Variants in EHMT1 observed in about 807,000 individuals in gnomAD.
EHMT1 encodes euchromatic histone lysine methyltransferase 1.
A neutral mutation model predicts 147.2 loss-of-function variants in EHMT1; 15 were observed. That is an observed-to-expected ratio of 0.10 (90% CI 0.07 to 0.16). The LOEUF is 0.16. EHMT1 is among the 10% of genes least tolerant of loss of function. The pLI, the probability that EHMT1 is intolerant of heterozygous loss-of-function variation, is 1.00. For synonymous variants in EHMT1, 795 were observed against 709.6 expected, an observed-to-expected ratio of 1.12 and a Z score of -1.91; for missense variants, 1,587 against 1,772.4, an observed-to-expected ratio of 0.90 and a Z score of 1.88.
intron 1 of EHMT1, among the ~76,000 whole-genome samples, chr9:137,675,607 GTGCCGGC>G: frequency 6.8e-6 from 1 of 147,184 alleles, no homozygotes; most frequent in Non-Finnish European, 1.5e-5. Context: ...GGGACTACAG[GTGCCGGC>G]CACCACGCCC....
chr9:137,695,756 G>A (rs1014879371), intron 1 of EHMT1, among the ~76,000 whole-genome samples: 3 of 152,232 alleles, frequency 2.0e-5, no homozygotes, highest in Non-Finnish European at 4.4e-5. Flanking sequence ...GGTTGAGGCC[G>A]CCGTCTGTGT....
intron 1 of EHMT1, among the ~76,000 whole-genome samples, chr9:137,682,487 G>T (rs1942047461): frequency 6.6e-6 from 1 of 152,112 alleles, no homozygotes; most frequent in South Asian, 2.1e-4. Context: ...GCCAAGTTCA[G>T]GCTGCTGTAG....
chr9:137,713,080 TGG>T (rs2135425093), intron 2 of EHMT1, among the ~76,000 whole-genome samples: 1 of 152,206 alleles, frequency 6.6e-6, no homozygotes, highest in African/African-American at 2.4e-5. Context: ...GAAAATCAGT[TGG>T]CTTTAAATGT....
intron 1 of EHMT1, chr9:137,637,748 C>T (rs766647551): frequency 1.3e-5 from 2 of 152,264 alleles, no homozygotes; most frequent in African/African-American, 4.8e-5. Flanking sequence ...TTGTGAAGCA[C>T]TGGTTATCAC....
At chr9:137,634,721 T>G (rs1443447606) in intron 1 of EHMT1, among the ~76,000 whole-genome samples, 2 of 150,096 alleles carry the variant, frequency 1.3e-5, no homozygotes, top group Non-Finnish European at 3.0e-5. Context: ...TTTTTTTTTT[T>G]TGACAGAGTC....
intron 16 of EHMT1, among the ~76,000 whole-genome samples, chr9:137,797,883 G>A (rs1953091700): frequency 1.3e-5 from 2 of 152,222 alleles, no homozygotes; most frequent in African/African-American, 4.8e-5. Flanking sequence ...GCGGGCCTGT[G>A]TGAGGAGCAC....
intron 7 of EHMT1, among the ~76,000 whole-genome samples, chr9:137,753,705 G>A (rs1479558939): frequency 6.6e-6 from 1 of 152,232 alleles, no homozygotes; most frequent in Non-Finnish European, 1.5e-5. Context: ...AGAAGCAGAT[G>A]CTTAAAACAT....
chr9:137,635,691 G>A (rs1400228342), intron 1 of EHMT1, among the ~76,000 whole-genome samples: 14 of 150,934 alleles, frequency 9.3e-5, no homozygotes, highest in Admixed American at 2.6e-4. Flanking sequence ...GTGGTGGCGG[G>A]CGCCTGTAGT....
At chr9:137,809,910 T>C (rs866086092) in intron 18 of EHMT1, among the ~76,000 whole-genome samples, 3,203 of 82,624 alleles carry the variant, frequency 0.039, 254 homozygotes, top group African/African-American at 0.23. Context: ...GATGCCGCCC[T>C]GTGTGGACCG....
intron 6 of EHMT1, among the ~76,000 whole-genome samples, chr9:137,751,803 G>C (rs1428742438): frequency 3.3e-5 from 5 of 152,216 alleles, no homozygotes; most frequent in African/African-American, 1.2e-4. Context: ...GCCCACGTCT[G>C]CCTGGATGTT....
chr9:137,623,169 T>C (rs1284918972), intron 1 of EHMT1, among the ~76,000 whole-genome samples: 1 of 148,916 alleles, frequency 6.7e-6, no homozygotes, highest in South Asian at 2.1e-4. Context: ...GCCAAGATCA[T>C]GCCACTGCAC....
At chr9:137,803,140 C>G in intron 18 of EHMT1, 1 of 1,228,070 alleles carries the variant, frequency 8.1e-7, no homozygotes, top group Non-Finnish European at 1.0e-6. Flanking sequence ...CTCTCTGATG[C>G]TGGTGGCTGT....
At chr9:137,677,173 G>GC (rs1941434230) in intron 1 of EHMT1, among the ~76,000 whole-genome samples, 1 of 151,564 alleles carries the variant, frequency 6.6e-6, no homozygotes, top group African/African-American at 2.4e-5. Flanking sequence ...TCGCTCTGTC[G>GC]CCCAGGCTGG....
At position 137,776,576 on chromosome 9, in the gene EHMT1, C is replaced by T. The variant is rs370091154; in HGVS notation, c.1792-42C>T. ...GTACTTTATTTTTCTAAATATTAAC[C>T]CCAATTAAAACAAAAATTTTTTTTT... On this transcript the variant is annotated intron_variant, in intron 11 of 26. Transcript: ENST00000460843. The surrounding 1 kb of genome is among the most constrained non-coding windows in gnomAD (Gnocchi z 4.4). The T allele has an allele frequency of 7.0e-5, 112 of 1,604,246 alleles. No individual in the cohort carries two copies. In the African/African-American group the frequency reaches 1.4e-3, roughly 20 times the overall value.
chr9:137,775,049 G>T lies in EHMT1; in HGVS notation c.1648-60G>T. On this transcript the variant is annotated intron_variant, in intron 10 of 26. Coordinates refer to ENST00000460843, the MANE Select transcript of EHMT1 (RefSeq NM_024757.5). The surrounding 1 kb of genome is among the most constrained non-coding windows in gnomAD (Gnocchi z 6.1). Reference sequence around the variant, plus strand: ...GTGCCTGCACTGCCCAGCGCCTGGTGGGAGGGAATGCCGGCCTCTCGTGAC... The same window carrying T: ...GTGCCTGCACTGCCCAGCGCCTGGTTGGAGGGAATGCCGGCCTCTCGTGAC... 1 of 1,612,166 alleles carries T rather than the reference G, an allele frequency of 6.2e-7. No individual in the cohort carries two copies. The highest frequency in any genetic ancestry group is 1.1e-5 in the South Asian group (1 of 90,940).
intron 15 of EHMT1, chr9:137,785,360 T>TGGGTGCGCTGAGCCCGTGAGGGTG (rs761291087): frequency 7.1e-6 from 1 of 140,136 alleles, no homozygotes; most frequent in African/African-American, 3.5e-5. Flanking sequence ...GCCATGAATG[T>TGGGTGCGCTGAGCCCGTGAGGGTG]GGGTGCGCTG....
intron 1 of EHMT1, among the ~76,000 whole-genome samples, chr9:137,662,158 A>G (rs1200687994): frequency 6.6e-6 from 1 of 152,028 alleles, no homozygotes; most frequent in Non-Finnish European, 1.5e-5. Context: ...GTATATATAT[A>G]TTTTTTACAC....
chr9:137,783,787 C>T (rs746144540), intron 15 of EHMT1, among the ~76,000 whole-genome samples: 25 of 152,244 alleles, frequency 1.6e-4, no homozygotes, highest in Non-Finnish European at 2.9e-4. Context: ...ACCCGCTGTC[C>T]AGCTGCCTCA....
intron 1 of EHMT1, among the ~76,000 whole-genome samples, chr9:137,701,451 TTTTTATTTTA>T (rs991159095): frequency 6.6e-6 from 1 of 150,976 alleles, no homozygotes; most frequent in Admixed American, 6.6e-5. Context: ...ACCTGGCTAA[TTTTTATTTTA>T]TTTTATTTTA....
Sources: gnomAD v4.1 joint callset for allele counts (sites outside exome capture counted in the v4.1 genomes callset) on GRCh38, gnomAD v4.1.1 for gene constraint, Gnocchi (gnomAD v3.1) non-coding constraint, MANE v1.5 for transcripts, NCBI Gene and HGNC (gene_info 2026-07-23, HGNC 2026-07-21) for gene names.